PALD1: variants seen among roughly 807,000 people sequenced by gnomAD.
The protein encoded by PALD1 is paladin.
PALD1 carries 57 observed loss-of-function variants against 96.0 expected under a neutral mutation model. The observed-to-expected ratio is 0.59, with a 90% CI of 0.48 to 0.74. The LOEUF (loss-of-function observed/expected upper bound fraction) is 0.74. PALD1 is among the 30% of genes least tolerant of loss of function. PALD1 has a pLI of 0.00. For synonymous variants in PALD1, 464 were observed against 473.6 expected (o/e 0.98, Z 0.26); for missense variants, 1,063 against 1,143.7 (o/e 0.93, Z 1.02).
Position 70,530,049 on chromosome 10 carries a change from T to A in PALD1, c.449T>A (p.Leu150His). ...GGGTTCAGGCGGGTCCTCCAGAAAC[T>A]CCAGAAGGACGGACATAGGGTAAGT... ...LSGFRRVLQKLQKDGHRECVI... is the reference protein window; with the variant it reads ...LSGFRRVLQKHQKDGHRECVI... Residue 150 changes from leucine to histidine, a missense_variant, in exon 4 of 20, where the codon CTC becomes CAC. Coordinates refer to ENST00000263563, the MANE Select transcript of PALD1 (RefSeq NM_014431.3). The A allele has an allele frequency of 6.5e-7, 1 of 1,536,668 alleles. No individual in the cohort carries two copies. The highest frequency in any genetic ancestry group is 8.7e-7 in the Non-Finnish European group (1 of 1,143,590).
Position 70,539,836 on chromosome 10 carries a change from C to T in PALD1, c.1908+74C>T. Reference sequence around the variant, plus strand: ...CCCTGTCTCCCCTCTGGTCTGGGCTCTGGGAGAATGAAACGACCCCAGCTT... The same window carrying T: ...CCCTGTCTCCCCTCTGGTCTGGGCTTTGGGAGAATGAAACGACCCCAGCTT... On this transcript the variant is annotated intron_variant, in intron 15 of 19. Transcript: ENST00000263563. This position sits in a 1 kb window ranked among gnomAD's most constrained non-coding sequence, Gnocchi z 4.5. 3 of 1,356,212 alleles carry T rather than the reference C, an allele frequency of 2.2e-6. No homozygotes were observed. In the South Asian group the frequency reaches 3.9e-5, roughly 18 times the overall value. 84.0% of individuals were successfully genotyped at this position (1,356,212 alleles called of 1,614,324 possible).
chr10:70,468,486 C>T, the PALD1 span, among the ~76,000 whole-genome samples: 2 of 152,056 alleles, frequency 1.3e-5, no homozygotes, highest in Admixed American at 1.3e-4. Context: ...TCAGGTGATC[C>T]ACCCGGCTCG....
chr10:70,499,443 T>C (rs1429609814), intron 1 of PALD1, among the ~76,000 whole-genome samples: 1 of 152,004 alleles, frequency 6.6e-6, no homozygotes, highest in East Asian at 1.9e-4. Context: ...TGCAGGGAGG[T>C]GGGCCTCAGA....
At chr10:70,512,947 G>GGGT (rs948444796) in intron 1 of PALD1, among the ~76,000 whole-genome samples, 17 of 152,176 alleles carry the variant, frequency 1.1e-4, no homozygotes, top group African/African-American at 3.6e-4. Flanking sequence ...TTCAAACTAC[G>GGGT]GGTGGCTAAT....
At chr10:70,509,041 C>T (rs1057171359) in intron 1 of PALD1, among the ~76,000 whole-genome samples, 11 of 152,322 alleles carry the variant, frequency 7.2e-5, no homozygotes, top group Middle Eastern at 3.4e-3. Flanking sequence ...GCTGGCCACT[C>T]GGCCCTCTGC....
chr10:70,493,478 G>A lies in PALD1; in HGVS notation c.-30+14419G>A, dbSNP rs184439306. 4.1e-3 allele frequency among the ~76,000 whole-genome samples: 624 copies of A among 152,224 alleles called. 5 individuals are homozygous for A. Among genetic ancestry groups the A allele is most frequent in the Middle Eastern group, 6.8e-3 (2 of 294 alleles). ...TTTTCCTCTGTCTGTCTTTTGTGTCGCTTTCCACAATGGCCTGTGTGAGCC... is the reference window on the plus strand; with the variant it reads ...TTTTCCTCTGTCTGTCTTTTGTGTCACTTTCCACAATGGCCTGTGTGAGCC... On this transcript the variant is annotated intron_variant, in intron 1 of 19. Coordinates refer to ENST00000263563, the MANE Select transcript of PALD1 (RefSeq NM_014431.3).
At chr10:70,483,768 C>T (rs987425856) in intron 1 of PALD1, among the ~76,000 whole-genome samples, 1 of 152,226 alleles carries the variant, frequency 6.6e-6, no homozygotes, top group Non-Finnish European at 1.5e-5. Context: ...TTTCCTTTTC[C>T]TGGAATGGAG....
chr10:70,520,974 G>A (rs925746741), intron 1 of PALD1, among the ~76,000 whole-genome samples: 24 of 152,260 alleles, frequency 1.6e-4, no homozygotes, highest in African/African-American at 5.8e-4. Context: ...TTACAGGCGT[G>A]AGCCACCGCG....
At chr10:70,488,191 G>T (rs1846043475) in intron 1 of PALD1, among the ~76,000 whole-genome samples, 3 of 151,450 alleles carry the variant, frequency 2.0e-5, no homozygotes, top group Non-Finnish European at 4.4e-5. Flanking sequence ...GCTCAGGGTC[G>T]ACTCACTGCA....
At chr10:70,523,301 T>C (rs142892599) in intron 1 of PALD1, among the ~76,000 whole-genome samples, 189 of 152,326 alleles carry the variant, frequency 1.2e-3, no homozygotes, top group African/African-American at 4.3e-3. Flanking sequence ...CGGGCCCTGA[T>C]GCCTGGCCTT....
intron 18 of PALD1, among the ~76,000 whole-genome samples, chr10:70,561,294 T>C (rs781706612): frequency 6.6e-6 from 1 of 152,268 alleles, no homozygotes; most frequent in Non-Finnish European, 1.5e-5. Context: ...ACATTGCCTC[T>C]GAGCTCTTTA....
At chr10:70,465,649 G>C in the PALD1 span, among the ~76,000 whole-genome samples, 1 of 152,154 alleles carries the variant, frequency 6.6e-6, no homozygotes, top group Admixed American at 6.5e-5. Flanking sequence ...GGGCCAATCT[G>C]ACTCCAAAGC....
chr10:70,561,403 G>A (rs746048888), intron 18 of PALD1, among the ~76,000 whole-genome samples: 2 of 152,228 alleles, frequency 1.3e-5, no homozygotes, highest in Non-Finnish European at 2.9e-5. Flanking sequence ...CCAGGCTTTC[G>A]GATGGAGCTT....
chr10:70,476,282 T>C (rs1434588733), upstream of PALD1, among the ~76,000 whole-genome samples: 2 of 152,234 alleles, frequency 1.3e-5, no homozygotes, highest in African/African-American at 4.8e-5. Context: ...TCTTTCGTTC[T>C]GCCTGGGGCT....
intron 1 of PALD1, among the ~76,000 whole-genome samples, chr10:70,499,094 T>G (rs1846247317): frequency 6.6e-6 from 1 of 152,198 alleles, no homozygotes. Flanking sequence ...GGTATTAACA[T>G]TATCCTTATT....
intron 17 of PALD1, among the ~76,000 whole-genome samples, chr10:70,543,864 A>T (rs893811887): frequency 1.3e-5 from 2 of 152,078 alleles, no homozygotes; most frequent in African/African-American, 4.8e-5. Flanking sequence ...CCCAGTTTAT[A>T]GATGAGAAAA....
chr10:70,465,496 A>G, the PALD1 span, among the ~76,000 whole-genome samples: 2 of 152,270 alleles, frequency 1.3e-5, no homozygotes, highest in Admixed American at 6.5e-5. Flanking sequence ...AGCACCTACT[A>G]TATATCAGGT....
chr10:70,508,854 T>TGTGTGTGTGTGTGTGTGTGTGTGCGC (rs1406004914), intron 1 of PALD1, among the ~76,000 whole-genome samples: 1 of 122,354 alleles, frequency 8.2e-6, no homozygotes, highest in Non-Finnish European at 1.8e-5. Context: ...TGTGTGTGTG[T>TGTGTGTGTGTGTGTGTGTGTGTGCGC]GTGCAGGCCT....
At chr10:70,494,133 G>C (rs552449536) in intron 1 of PALD1, among the ~76,000 whole-genome samples, 1 of 152,268 alleles carries the variant, frequency 6.6e-6, no homozygotes, top group African/African-American at 2.4e-5. Flanking sequence ...CTAGCCCTGC[G>C]ACCGGAGGTC....
Sources: allele counts gnomAD v4.1 joint callset (sites outside exome capture counted in the v4.1 genomes callset), GRCh38; gene constraint gnomAD v4.1.1; non-coding constraint Gnocchi (gnomAD v3.1); transcripts MANE v1.5; gene names NCBI Gene and HGNC (gene_info 2026-07-23, HGNC 2026-07-21).